The following PRKN variants were observed in gnomAD, a reference collection of about 807,000 sequenced individuals.
The protein encoded by PRKN is E3 ubiquitin-protein ligase parkin.
In PRKN, 56 loss-of-function variants were observed where a neutral mutation model predicts 59.5. That is an observed-to-expected ratio of 0.94 (90% CI 0.76 to 1.18). PRKN has a LOEUF of 1.18. Ranked by LOEUF, PRKN falls within the 50% of genes most tolerant of loss-of-function variation. The pLI is 0.00. For missense variants in PRKN, 657 were observed against 596.4 expected, an observed-to-expected ratio of 1.10 and a Z score of -1.06; for synonymous variants, 250 against 222.1, an observed-to-expected ratio of 1.13 and a Z score of -1.12.
At chr6:161,532,166 CTATATA>C (rs200674940) in intron 9 of PRKN, among the ~76,000 whole-genome samples, 14,187 of 115,184 alleles carry the variant, frequency 0.12, 1,181 homozygotes, top group African/African-American at 0.28. Flanking sequence ...CTCTCTCTCT[CTATATA>C]TATATATATA....
intron 6 of PRKN, among the ~76,000 whole-genome samples, chr6:161,831,067 C>T (rs1189242380): frequency 2.0e-5 from 3 of 152,124 alleles, no homozygotes; most frequent in Admixed American, 6.5e-5. Context: ...TCTGCAGTAA[C>T]GGTTATATGG....
At chr6:162,327,773 G>T (rs562749018) in intron 2 of PRKN, among the ~76,000 whole-genome samples, 1 of 152,158 alleles carries the variant, frequency 6.6e-6, no homozygotes, top group African/African-American at 2.4e-5. Flanking sequence ...AGATCAGACC[G>T]TTATGATTTT....
chr6:162,590,132 T>G (rs1353257218), intron 1 of PRKN, among the ~76,000 whole-genome samples: 1 of 152,214 alleles, frequency 6.6e-6, no homozygotes, highest in Non-Finnish European at 1.5e-5. Context: ...TCTTTATCTT[T>G]CTTCTCCTTT....
intron 10 of PRKN, among the ~76,000 whole-genome samples, chr6:161,374,477 G>C (rs1399937232): frequency 7.4e-6 from 1 of 135,520 alleles, no homozygotes; most frequent in Non-Finnish European, 1.6e-5. Flanking sequence ...GTGTGTGATG[G>C]GTGTGTGGTG....
At chr6:161,563,957 AT>A (rs1351007491) in intron 8 of PRKN, among the ~76,000 whole-genome samples, 64 of 152,246 alleles carry the variant, frequency 4.2e-4, no homozygotes, top group Admixed American at 4.2e-3. Flanking sequence ...TTGGCAACCT[AT>A]TTATTTACAA....
At chr6:161,757,303 C>T (rs1367394196) in intron 7 of PRKN, among the ~76,000 whole-genome samples, 2 of 152,056 alleles carry the variant, frequency 1.3e-5, no homozygotes, top group East Asian at 1.9e-4. Context: ...ATAAGCCACA[C>T]ACAGAGAGAA....
intron 9 of PRKN, among the ~76,000 whole-genome samples, chr6:161,522,270 T>G (rs758819293): frequency 8.5e-5 from 13 of 152,180 alleles, no homozygotes; most frequent in Non-Finnish European, 1.8e-4. Context: ...AAGAGACCGA[T>G]GACAGGCGAG....
intron 9 of PRKN, among the ~76,000 whole-genome samples, chr6:161,408,275 T>C (rs570763156): frequency 7.3e-6 from 1 of 136,930 alleles, no homozygotes; most frequent in Non-Finnish European, 1.5e-5. Flanking sequence ...GTTAGAGAAA[T>C]GCAAAGATGT....
At chr6:162,450,673 C>T (rs952436872) in intron 1 of PRKN, among the ~76,000 whole-genome samples, 4 of 152,102 alleles carry the variant, frequency 2.6e-5, no homozygotes, top group Non-Finnish European at 2.9e-5. Context: ...AATTGAGGGA[C>T]GTTGTAAAAA....
chr6:161,383,916 C>A (rs983898250), intron 10 of PRKN, among the ~76,000 whole-genome samples: 1 of 152,208 alleles, frequency 6.6e-6, no homozygotes, highest in East Asian at 1.9e-4. Flanking sequence ...TGTTCACCAG[C>A]AGACATCTTT....
chr6:162,586,024 A>G (rs916452085), intron 1 of PRKN, among the ~76,000 whole-genome samples: 1 of 152,158 alleles, frequency 6.6e-6, no homozygotes, highest in Non-Finnish European at 1.5e-5. Flanking sequence ...TATTTAACAC[A>G]TCAACCTGAT....
chr6:162,691,171 T>G (rs989770782), intron 1 of PRKN, among the ~76,000 whole-genome samples: 1 of 152,150 alleles, frequency 6.6e-6, no homozygotes, highest in African/African-American at 2.4e-5. Flanking sequence ...AAAAATTTCT[T>G]TCAACAAATG....
intron 2 of PRKN, among the ~76,000 whole-genome samples, chr6:162,302,889 T>C (rs1782023164): frequency 6.6e-6 from 1 of 151,710 alleles, no homozygotes. Context: ...ATTATTTTGG[T>C]GCCCTTTTAC....
chr6:161,894,209 A>G (rs1427003789), intron 6 of PRKN, among the ~76,000 whole-genome samples: 2 of 151,940 alleles, frequency 1.3e-5, no homozygotes, highest in South Asian at 2.1e-4. Context: ...ACTACTGACA[A>G]TCTTTCTGTG....
intron 1 of PRKN, among the ~76,000 whole-genome samples, chr6:162,705,477 G>A (rs1343719541): frequency 6.6e-6 from 1 of 152,118 alleles, no homozygotes; most frequent in East Asian, 1.9e-4. Context: ...AAATCTAGAT[G>A]TCCCATTAAG....
At chr6:161,427,645 T>C (rs1181281713) in intron 9 of PRKN, among the ~76,000 whole-genome samples, 1 of 152,146 alleles carries the variant, frequency 6.6e-6, no homozygotes, top group Non-Finnish European at 1.5e-5. Context: ...GTGACATGGA[T>C]GTAAAGTATA....
At chr6:161,432,762 C>T (rs1788708268) in intron 9 of PRKN, among the ~76,000 whole-genome samples, 3 of 151,992 alleles carry the variant, frequency 2.0e-5, no homozygotes, top group Middle Eastern at 6.8e-3. Context: ...CAGCAACTTC[C>T]ATTTGGGTAA....
At position 162,141,387 on chromosome 6, in the gene PRKN, AATGGGTTTTGAT is replaced by A. The variant is rs1781773967; in HGVS notation, c.534+59732_534+59743del. Among the ~76,000 whole-genome samples the A allele has an allele frequency of 2.0e-5, 3 of 152,172 alleles. No individual in the cohort carries two copies. In the South Asian group the frequency reaches 6.2e-4, roughly 31 times the overall value. On this transcript the variant is annotated intron_variant, in intron 4 of 11. Coordinates refer to ENST00000366898, the MANE Select transcript of PRKN (RefSeq NM_004562.3). Reference sequence around the variant, plus strand: ...AAATTTACCTAATGCTTTATTTTTCAATGGGTTTTGATAAACCAAGTTAAATATATTTGGAAT... The same window carrying A: ...AAATTTACCTAATGCTTTATTTTTCAAAACCAAGTTAAATATATTTGGAAT...
At chr6:162,089,357 C>T (rs1250843943) in intron 4 of PRKN, among the ~76,000 whole-genome samples, 1 of 152,096 alleles carries the variant, frequency 6.6e-6, no homozygotes, top group Admixed American at 6.5e-5. Context: ...TGTCCCTTCA[C>T]ACCTACAAAT....
Sources: allele counts gnomAD v4.1 joint callset (sites outside exome capture counted in the v4.1 genomes callset), GRCh38; gene constraint gnomAD v4.1.1; transcripts MANE v1.5; gene names NCBI Gene and HGNC (gene_info 2026-07-23, HGNC 2026-07-21).